The following GPATCH2L variants were observed in gnomAD, a reference collection of about 807,000 sequenced individuals.
The protein encoded by GPATCH2L is G patch domain-containing protein 2-like.
GPATCH2L carries 31 observed loss-of-function variants against 57.4 expected under a neutral mutation model. The ratio of observed to expected loss-of-function variants is 0.54; its 90% CI spans 0.41 to 0.73. The LOEUF (loss-of-function observed/expected upper bound fraction) is 0.73. Among genes scored for constraint, GPATCH2L ranks in the 30% least tolerant of loss-of-function variants. The probability of loss-of-function intolerance (pLI) is 0.00; values close to 1 mark genes in which losing one functional copy is unlikely to be tolerated. For synonymous variants in GPATCH2L, 199 were observed against 210.7 expected (o/e 0.94, Z 0.48); for missense variants, 481 against 599.9 (o/e 0.80, Z 2.07).
Position 76,154,840 on chromosome 14 carries a change from G to T in GPATCH2L, c.477G>T (p.Arg159Ser). 1 of 1,614,222 alleles carries T rather than the reference G, an allele frequency of 6.2e-7. No individual in the cohort carries two copies. The highest frequency in any genetic ancestry group is 1.6e-4 in the Middle Eastern group (1 of 6,062). The change falls in exon 2 of 10, where the codon AGG (arginine) becomes AGT (serine). Residue 159 changes from arginine (R) to serine (S), a missense_variant. Physicochemically the swap from Arg to Ser is moderately radical, Grantham distance 110. Transcript: ENST00000261530. The surrounding 1 kb of genome is among the most constrained non-coding windows in gnomAD (Gnocchi z 4.4). ...VSDWSYERGC[R>S]FKSAKKQRLS... is the part of the protein sequence containing the mutation. ...ATTGGAGCTATGAGAGAGGCTGCAG[G>T]TTCAAGTCTGCTAAGAAGCAGCGTC...
chr14:76,155,355 G>A (rs1436980386), intron 2 of GPATCH2L, among the ~76,000 whole-genome samples: 1 of 152,164 alleles, frequency 6.6e-6, no homozygotes, highest in Non-Finnish European at 1.5e-5. Flanking sequence ...TTGTTGTTTA[G>A]AACTCAGGTC....
At position 76,213,471 on chromosome 14, in the gene GPATCH2L, T is replaced by A. The variant is rs1263890246; in HGVS notation, c.*11620T>A. ...GCATTTGGAGAATTAACAGAAACTT[T>A]TTGTAACACCAATTTTTTATTTTAC... is the stretch of plus-strand genomic sequence containing the variant. On this transcript the variant is annotated 3_prime_UTR_variant, in exon 10 of 10. Coordinates refer to ENST00000261530, the MANE Select transcript of GPATCH2L (RefSeq NM_017926.4). 3 of 152,204 alleles carry A rather than the reference T, an allele frequency of 2.0e-5. No homozygotes were observed. The highest frequency in any genetic ancestry group is 4.4e-5 in the Non-Finnish European group (3 of 68,038). 9.4% of individuals were successfully genotyped at this position (152,204 alleles called of 1,614,324 possible).
chr14:76,232,292 A>T (rs1032833129), intron 2 of GPATCH2L, among the ~76,000 whole-genome samples: 1 of 152,078 alleles, frequency 6.6e-6, no homozygotes, highest in Non-Finnish European at 1.5e-5. Flanking sequence ...TGAACATTAC[A>T]GTTGTTCCCA....
chr14:76,155,407 G>T (rs1019552824), intron 2 of GPATCH2L, among the ~76,000 whole-genome samples: 3 of 152,212 alleles, frequency 2.0e-5, no homozygotes, highest in Admixed American at 6.5e-5. Flanking sequence ...GAATATGCTA[G>T]CGCCAGGTAT....
At chr14:76,181,432 C>T (rs900104598) in intron 8 of GPATCH2L, among the ~76,000 whole-genome samples, 11 of 152,208 alleles carry the variant, frequency 7.2e-5, no homozygotes, top group Non-Finnish European at 7.3e-5. Flanking sequence ...ACTTCCTGCT[C>T]GTTATCTGTT....
chr14:76,196,084 C>A, intron 9 of GPATCH2L, 112 bp downstream of exon 9: 1 of 851,758 alleles, frequency 1.2e-6, no homozygotes, highest in South Asian at 1.3e-5. Context: ...TCATTTTATT[C>A]CCACTTTACA....
At chr14:76,175,371 C>G (rs536760854) in intron 5 of GPATCH2L, 34 of 148,510 alleles carry the variant, frequency 2.3e-4, no homozygotes, top group African/African-American at 7.9e-4. Context: ...GCTCTGCCCC[C>G]CTTCTTCCCC....
intron 6 of GPATCH2L, among the ~76,000 whole-genome samples, chr14:76,177,474 T>C (rs2039376339): frequency 6.6e-6 from 1 of 151,850 alleles, no homozygotes; most frequent in Non-Finnish European, 1.5e-5. Flanking sequence ...CTTTCATATA[T>C]CTTGTATGCA....
chr14:76,152,176 G>A (rs2038073408), intron 1 of GPATCH2L, among the ~76,000 whole-genome samples, 185 bp downstream of exon 1: 1 of 152,182 alleles, frequency 6.6e-6, no homozygotes, highest in South Asian at 2.1e-4. Flanking sequence ...TGTGGGTCGG[G>A]CCGTCTCCGG....
chr14:76,203,939 A>C lies in GPATCH2L; in HGVS notation c.*2088A>C, dbSNP rs2040347187. On this transcript the variant is annotated 3_prime_UTR_variant, in exon 10 of 10. Coordinates refer to ENST00000261530, the MANE Select transcript of GPATCH2L (RefSeq NM_017926.4). ...CTATTAGTGAAAACCTCCAAAGGTC[A>C]GGTGGCCAAGGTGTTCCCACATTTT... 1 of 152,238 alleles carries C rather than the reference A, an allele frequency of 6.6e-6. No homozygotes were observed. Among genetic ancestry groups the C allele is most frequent in the South Asian group, 2.1e-4 (1 of 4,836 alleles). 9.4% of individuals were successfully genotyped at this position (152,238 alleles called of 1,614,324 possible).
intron 2 of GPATCH2L, chr14:76,234,387 C>A (rs972397012): frequency 2.6e-5 from 4 of 152,212 alleles, no homozygotes; most frequent in African/African-American, 9.6e-5. Context: ...GTAATCCCAT[C>A]CCCTTGGCTG....
At chr14:76,160,360 T>C (rs2543383) in intron 2 of GPATCH2L, among the ~76,000 whole-genome samples, 115,997 of 152,066 alleles carry the variant, frequency 0.76, 45,374 homozygotes, top group South Asian at 0.88. Context: ...TTGTCAAGTG[T>C]GGTTCTATCA....
intron 5 of GPATCH2L, chr14:76,175,948 G>A (rs2039303588): frequency 6.6e-6 from 1 of 152,166 alleles, no homozygotes; most frequent in Admixed American, 6.5e-5. Flanking sequence ...AGAGTGAATT[G>A]CCGTTTTCCA....
intron 8 of GPATCH2L, 149 bp from the exon 9 acceptor site, chr14:76,195,729 A>C: frequency 1.5e-6 from 1 of 649,524 alleles, no homozygotes; most frequent in Non-Finnish European, 2.7e-6. Context: ...ATTAATTCTG[A>C]ATAATGTTGT....
chr14:76,197,292 C>T (rs945489541), intron 9 of GPATCH2L, among the ~76,000 whole-genome samples: 4 of 152,136 alleles, frequency 2.6e-5, no homozygotes, highest in Non-Finnish European at 5.9e-5. Context: ...TAAAAGAAAA[C>T]CACCCCTCTT....
At position 76,201,600 on chromosome 14, in the gene GPATCH2L, A is replaced by T. The variant is rs748107791; in HGVS notation, c.1289-91A>T. ...GACATGAAGTATAAGGATTAAGAAA[A>T]TTTTTTTTCTAAGTATCTCTCATTC... is the stretch of plus-strand genomic sequence containing the variant. On this transcript the variant is annotated intron_variant, in intron 9 of 9. Transcript: ENST00000261530. 265 of 1,012,608 alleles carry T rather than the reference A, an allele frequency of 2.6e-4. 1 individual carries two copies. The highest frequency in any genetic ancestry group is 6.3e-4 in the Admixed American group (19 of 30,322). The allele number at this position is 1,012,608 out of a possible 1,614,324, so 62.7% of individuals were successfully genotyped here. A position where few individuals can be genotyped will look rare whatever the true frequency, so the allele number is the denominator to read the frequency against.
intron 8 of GPATCH2L, among the ~76,000 whole-genome samples, chr14:76,190,976 A>G (rs1426664592): frequency 2.6e-5 from 4 of 152,172 alleles, no homozygotes; most frequent in African/African-American, 9.6e-5. Context: ...TAATTGAAAG[A>G]TCACTTCCCT....
rs373857050 is a variant in GPATCH2L at position 76,231,309 on chromosome 14, T to C, written c.*117+1356T>C. On this transcript the variant is annotated intron_variant and NMD_transcript_variant, in intron 2 of 3. Transcript: ENST00000556372. ...CCCTGTTATAGACTCACATCATCCGTCATCACGACCGTCTCTTTCCTAGTG... is the reference window on the plus strand; with the variant it reads ...CCCTGTTATAGACTCACATCATCCGCCATCACGACCGTCTCTTTCCTAGTG... Among the ~76,000 whole-genome samples, 18 of 152,294 alleles carry C rather than the reference T, an allele frequency of 1.2e-4. No individual in the cohort carries two copies. The East Asian group carries it at 2.1e-3, about 18-fold the overall frequency.
chr14:76,185,655 T>A (rs1374679431), intron 8 of GPATCH2L, among the ~76,000 whole-genome samples: 1 of 152,242 alleles, frequency 6.6e-6, no homozygotes, highest in Non-Finnish European at 1.5e-5. Context: ...ATTACCATTT[T>A]AATTTATTCT....
Sources: gnomAD v4.1 joint callset for allele counts (sites outside exome capture counted in the v4.1 genomes callset) on GRCh38, gnomAD v4.1.1 for gene constraint, Gnocchi (gnomAD v3.1) non-coding constraint, MANE v1.5 for transcripts, NCBI Gene and HGNC (gene_info 2026-07-23, HGNC 2026-07-21) for gene names.